PCDHA7: variants seen among roughly 807,000 people sequenced by gnomAD.
PCDHA7 encodes the protein protocadherin alpha 7, also known as protocadherin alpha-7.
PCDHA7 carries 37 observed loss-of-function variants against 57.2 expected under a neutral mutation model. That is an observed-to-expected ratio of 0.65 (90% CI 0.50 to 0.85). The LOEUF (loss-of-function observed/expected upper bound fraction) is 0.85. Ranked by LOEUF, PCDHA7 falls within the 40% of genes least tolerant of loss-of-function variation. The probability of loss-of-function intolerance (pLI) is 0.00; values close to 1 mark genes in which losing one functional copy is unlikely to be tolerated. For missense variants in PCDHA7, 1,188 were observed against 1,241.8 expected (o/e 0.96, Z 0.65); for synonymous variants, 553 against 558.8 (o/e 0.99, Z 0.15).
intron 1 of PCDHA7, chr5:140,841,631 A>G (rs1256595237): frequency 6.2e-7 from 1 of 1,614,124 alleles, no homozygotes; most frequent in Non-Finnish European, 8.5e-7. Context: ...GGAGTGCAGC[A>G]TCCACCTGGA....
At chr5:140,983,408 A>C (rs1554245369) in intron 3 of PCDHA7, among the ~76,000 whole-genome samples, 1 of 152,208 alleles carries the variant, frequency 6.6e-6, no homozygotes, top group East Asian at 1.9e-4. Context: ...GGGAAGATTA[A>C]GTGTTGGTAG....
chr5:140,973,468 C>T (rs2096588845), intron 1 of PCDHA7, among the ~76,000 whole-genome samples: 1 of 152,202 alleles, frequency 6.6e-6, no homozygotes, highest in East Asian at 1.9e-4. Context: ...TTTTAGTTTG[C>T]AAATTTCATA....
chr5:140,850,670 G>A, intron 1 of PCDHA7: 1 of 1,598,618 alleles, frequency 6.3e-7, no homozygotes, highest in Non-Finnish European at 8.6e-7. Context: ...GGTGCTCGGC[G>A]ATGCCCACCG....
intron 1 of PCDHA7, among the ~76,000 whole-genome samples, chr5:140,890,187 CAG>C (rs2062529084): frequency 1.3e-5 from 2 of 152,228 alleles, no homozygotes; most frequent in South Asian, 4.1e-4. Context: ...TGCTACAAAA[CAG>C]AGTTTTTTGT....
Position 140,835,523 on chromosome 5 carries a change from A to C in PCDHA7, c.1140A>C (p.Gly380=). The change falls in exon 1 of 4, where the codon GGA becomes GGC. Residue 380 remains glycine (G), a synonymous_variant. Coordinates refer to ENST00000525929, the MANE Select transcript of PCDHA7 (RefSeq NM_018910.3). ...TLISVFDRDF[G]VNGQVTCSLT... is the part of the protein sequence containing the mutation. ...TTAGCGTGTTTGACCGAGATTTTGG[A>C]GTCAACGGACAGGTTACCTGCTCCC... is the stretch of plus-strand genomic sequence containing the variant. The C allele has an allele frequency of 6.2e-7, 1 of 1,613,916 alleles. No homozygotes were observed. The highest frequency in any genetic ancestry group is 8.5e-7 in the Non-Finnish European group (1 of 1,179,870).
chr5:140,834,764 C>T lies in PCDHA7; in HGVS notation c.381C>T (p.Asn127=), dbSNP rs2150225831. The change falls in exon 1 of 4, where the codon AAC becomes AAT. Residue 127 remains asparagine, a synonymous_variant. Transcript: ENST00000525929. ...TGGACGTGGAGGTGAAGGACATTAA[C>T]GACAACCCTCCGGTGTTCCCAGCGA... ...FHVDVEVKDI[N]DNPPVFPATQ... 1.2e-6 allele frequency: 2 copies of T among 1,614,098 alleles called. No homozygotes were observed. Among genetic ancestry groups the T allele is most frequent in the East Asian group, 2.2e-5 (1 of 44,878 alleles).
At chr5:140,857,326 G>A in intron 1 of PCDHA7, 4 of 1,598,700 alleles carry the variant, frequency 2.5e-6, no homozygotes, top group Non-Finnish European at 1.7e-6. Flanking sequence ...TGGTGACCGC[G>A]CGGGACGGGG....
At chr5:140,933,651 C>G (rs2089301034) in intron 1 of PCDHA7, among the ~76,000 whole-genome samples, 1 of 151,824 alleles carries the variant, frequency 6.6e-6, no homozygotes, top group South Asian at 2.1e-4. Flanking sequence ...GTTGGAAATC[C>G]TGTCTCTCTC....
chr5:140,991,482 G>A (rs781952323), intron 3 of PCDHA7, among the ~76,000 whole-genome samples: 3 of 152,204 alleles, frequency 2.0e-5, no homozygotes, highest in Non-Finnish European at 4.4e-5. Flanking sequence ...CTGGAAGTCA[G>A]AAGTCCACAG....
At chr5:140,841,101 C>T (rs1282601439) in intron 1 of PCDHA7, 2 of 575,780 alleles carry the variant, frequency 3.5e-6, no homozygotes, top group East Asian at 3.0e-5. Context: ...CCAGATATTG[C>T]GGAAGTAATT....
intron 1 of PCDHA7, chr5:140,928,948 A>G: frequency 1.2e-6 from 2 of 1,614,032 alleles, no homozygotes; most frequent in Non-Finnish European, 1.7e-6. Flanking sequence ...GTATTTAGTA[A>G]TTGCCTTGGC....
At chr5:140,888,958 A>G (rs1174377099) in intron 1 of PCDHA7, among the ~76,000 whole-genome samples, 1 of 152,010 alleles carries the variant, frequency 6.6e-6, no homozygotes, top group African/African-American at 2.4e-5. Flanking sequence ...TTTCTTTGGC[A>G]ATGTTAATGT....
chr5:140,858,817 G>A (rs1212820522), intron 1 of PCDHA7: 1 of 345,356 alleles, frequency 2.9e-6, no homozygotes, highest in Non-Finnish European at 5.3e-6. Context: ...TGATTTGATT[G>A]TATTTGCATT....
chr5:140,953,837 C>T (rs1585533226), intron 1 of PCDHA7, among the ~76,000 whole-genome samples: 1 of 151,614 alleles, frequency 6.6e-6, no homozygotes, highest in African/African-American at 2.4e-5. Flanking sequence ...GGTTTGTTAC[C>T]CAGGTAAACA....
chr5:140,924,872 G>A (rs1161649938), intron 1 of PCDHA7, among the ~76,000 whole-genome samples: 2 of 149,350 alleles, frequency 1.3e-5, no homozygotes, highest in South Asian at 2.1e-4. Context: ...TCCAGCCTGG[G>A]TGACAGAGCA....
intron 1 of PCDHA7, among the ~76,000 whole-genome samples, chr5:140,915,168 C>T (rs181934284): frequency 6.0e-4 from 92 of 152,112 alleles, no homozygotes; most frequent in Middle Eastern, 3.4e-3. Context: ...AGGATAGTCT[C>T]GATCTCTTGA....
intron 1 of PCDHA7, chr5:140,884,055 C>T (rs782119019): frequency 2.2e-5 from 36 of 1,613,356 alleles, no homozygotes; most frequent in Non-Finnish European, 1.7e-6. Flanking sequence ...AAGGTGCGCG[C>T]GGTGGACGCC....
intron 1 of PCDHA7, chr5:140,841,063 TAAAG>T (rs1776998418): frequency 2.2e-6 from 1 of 461,482 alleles, no homozygotes; most frequent in South Asian, 3.9e-5. Context: ...TAAATTATGA[TAAAG>T]AAATAGAAAG....
intron 1 of PCDHA7, among the ~76,000 whole-genome samples, chr5:140,912,519 T>G (rs770184717): frequency 6.6e-6 from 1 of 152,164 alleles, no homozygotes. Context: ...TCTTTAGGGT[T>G]TTCAGAGTAC....
Sources: gnomAD v4.1 joint callset for allele counts (sites outside exome capture counted in the v4.1 genomes callset) on GRCh38, gnomAD v4.1.1 for gene constraint, MANE v1.5 for transcripts, NCBI Gene and HGNC (gene_info 2026-07-23, HGNC 2026-07-21) for gene names.